MAP3K2: variants seen among roughly 807,000 people sequenced by gnomAD.
MAP3K2 encodes MAP/ERK kinase kinase 2.
In MAP3K2, 24 loss-of-function variants were observed where a neutral mutation model predicts 80.3. The ratio of observed to expected loss-of-function variants is 0.30; its 90% CI spans 0.22 to 0.42. The LOEUF (loss-of-function observed/expected upper bound fraction) is 0.42, where lower values mean the gene tolerates loss of function less well. Among genes scored for constraint, MAP3K2 ranks in the 10% least tolerant of loss-of-function variants. The pLI, the probability that MAP3K2 is intolerant of heterozygous loss-of-function variation, is 1.00. For synonymous variants in MAP3K2, 244 were observed against 253.7 expected, an observed-to-expected ratio of 0.96 and a Z score of 0.36; for missense variants, 608 against 750.1, an observed-to-expected ratio of 0.81 and a Z score of 2.21.
In MAP3K2 at chr2:127,341,599, C is replaced by G. The variant is rs2104847371; in HGVS notation, c.4+1527G>C. ...CCAGGCTGGAGTGCAGTGGCGTGAT[C>G]TCGGCTCACTACAAGATCCGCCTCC... is the stretch of plus-strand genomic sequence containing the variant. On this transcript the variant is annotated intron_variant, in intron 2 of 16. Coordinates refer to ENST00000682094, the MANE Select transcript of MAP3K2 (RefSeq NM_001371910.2). Among the ~76,000 whole-genome samples the G allele has an allele frequency of 2.3e-5, 3 of 130,596 alleles. No individual in the cohort carries two copies. In the Middle Eastern group the frequency reaches 0.019, roughly 816 times the overall value. 85.7% of individuals were successfully genotyped at this position (130,596 alleles called of 152,430 possible). A position where few individuals can be genotyped will look rare whatever the true frequency, so the allele number is the denominator to read the frequency against.
chr2:127,330,293 A>AGT (rs1484595835), intron 6 of MAP3K2, 99 bp downstream of exon 6: 4 of 621,964 alleles, frequency 6.4e-6, no homozygotes, highest in Non-Finnish European at 1.1e-5. Context: ...TCATAATGAA[A>AGT]ATATTGCAAT....
At chr2:127,340,097 T>C (rs531672479) in intron 2 of MAP3K2, among the ~76,000 whole-genome samples, 117 of 152,354 alleles carry the variant, frequency 7.7e-4, no homozygotes, top group Non-Finnish European at 1.2e-3. Context: ...TATTTTGTAG[T>C]GAAATTATTT....
At chr2:127,344,620 T>C (rs1430702792) in intron 1 of MAP3K2, among the ~76,000 whole-genome samples, 1 of 152,106 alleles carries the variant, frequency 6.6e-6, no homozygotes, top group African/African-American at 2.4e-5. Context: ...CAGTGAACTA[T>C]GATTGTACTC....
Position 127,330,385 on chromosome 2 carries a change from A to C in MAP3K2, c.378+7T>G. ...ATTCTTACTGAAAAAAATATCCCAA[A>C]TCATACCTGTGTACTTCCATTTATT... On this transcript the variant is annotated splice_region_variant and intron_variant, in intron 6 of 16. Transcript: ENST00000682094. 6.9e-7 allele frequency: 1 copy of C among 1,453,368 alleles called. No homozygotes were observed. Among genetic ancestry groups the C allele is most frequent in the South Asian group, 1.2e-5 (1 of 81,964 alleles). The allele number at this position is 1,453,368 out of a possible 1,614,324, so 90.0% of individuals were successfully genotyped here.
At chr2:127,314,618 A>C in intron 15 of MAP3K2, 136 bp downstream of exon 15, 1 of 702,466 alleles carries the variant, frequency 1.4e-6, no homozygotes, top group Non-Finnish European at 2.3e-6. Context: ...AGAGTCCATA[A>C]GAAAGCAAGA....
At position 127,334,535 on chromosome 2, in the gene MAP3K2, A is replaced by C. The variant is rs183878198; in HGVS notation, c.264+1335T>G. Reference sequence around the variant, plus strand: ...ACCCTCAAATTCCTGGGCTCAAGCTATCCTCCCACCTTAAATCCCCCTGCC... The same window carrying C: ...ACCCTCAAATTCCTGGGCTCAAGCTCTCCTCCCACCTTAAATCCCCCTGCC... On this transcript the variant is annotated intron_variant, in intron 5 of 16. Coordinates refer to ENST00000682094, the MANE Select transcript of MAP3K2 (RefSeq NM_001371910.2). 9.8e-4 allele frequency among the ~76,000 whole-genome samples: 149 copies of C among 152,132 alleles called. 1 individual carries two copies. Among genetic ancestry groups the C allele is most frequent in the East Asian group, 1.4e-3 (7 of 5,166 alleles).
At chr2:127,328,927 T>C (rs1392173955) in intron 7 of MAP3K2, among the ~76,000 whole-genome samples, 3 of 152,220 alleles carry the variant, frequency 2.0e-5, no homozygotes, top group African/African-American at 7.2e-5. Context: ...CCATCTTTAA[T>C]GGCCATACTC....
intron 1 of MAP3K2, among the ~76,000 whole-genome samples, chr2:127,377,967 T>G (rs773434765): frequency 6.6e-6 from 1 of 152,050 alleles, no homozygotes; most frequent in Non-Finnish European, 1.5e-5. Flanking sequence ...CTGGACAACA[T>G]AGAGAGACCT....
At position 127,323,939 on chromosome 2, in the gene MAP3K2, C is replaced by T. The variant is rs765971136; in HGVS notation, c.801G>A (p.Arg267=). Residue 267 remains arginine, a synonymous_variant, in exon 11 of 17, where the codon AGG becomes AGA. Coordinates refer to ENST00000682094, the MANE Select transcript of MAP3K2 (RefSeq NM_001371910.2). ...CTTGATGATGATATGAAACATGATA[C>T]CTTCTTGGATATGTTCCTCCTTTTC... ...KFGKGGTYPR[R]YHVSYHHQEY... is the part of the protein sequence containing the mutation. The T allele has an allele frequency of 2.6e-6, 4 of 1,567,100 alleles. No individual in the cohort carries two copies. The South Asian group carries it at 4.7e-5, about 18-fold the overall frequency.
At chr2:127,316,884 G>A (rs761429335) in intron 14 of MAP3K2, 3 of 152,046 alleles carry the variant, frequency 2.0e-5, no homozygotes, top group South Asian at 2.1e-4. Flanking sequence ...TGCTCATTTC[G>A]GCAGCACATA....
intron 15 of MAP3K2, among the ~76,000 whole-genome samples, chr2:127,312,274 A>T (rs188545248): frequency 6.6e-6 from 1 of 152,228 alleles, no homozygotes; most frequent in Non-Finnish European, 1.5e-5. Flanking sequence ...ACGGAACAAA[A>T]ACAAAGGCAG....
At chr2:127,342,386 A>AGGGG (rs200323450) in intron 2 of MAP3K2, among the ~76,000 whole-genome samples, 1 of 64,346 alleles carries the variant, frequency 1.6e-5, no homozygotes, top group African/African-American at 5.4e-5. Flanking sequence ...GTTCTTCATG[A>AGGGG]GGGTGTGTGT....
In MAP3K2 at chr2:127,339,403, G is replaced by GA. The variant is rs906369513; in HGVS notation, c.5-354dup. ...TATCTAAAATGTTTTAAAAAGTAGGGAAAAAAAAATAAACAACTTTGTATA... is the reference window on the plus strand; with the variant it reads ...TATCTAAAATGTTTTAAAAAGTAGGGAAAAAAAAAATAAACAACTTTGTATA... On this transcript the variant is annotated intron_variant, in intron 2 of 16. Transcript: ENST00000682094. This position sits in a 1 kb window ranked among gnomAD's most constrained non-coding sequence, Gnocchi z 4.2. 2.0e-4 allele frequency among the ~76,000 whole-genome samples: 30 copies of GA among 149,474 alleles called. No individual in the cohort carries two copies. The highest frequency in any genetic ancestry group is 1.3e-3 in the Admixed American group (20 of 15,028).
At position 127,346,952 on chromosome 2, in the gene MAP3K2, C is replaced by T. The variant is rs149878101; in HGVS notation, c.-65-3758G>A. On this transcript the variant is annotated intron_variant, in intron 1 of 16. Coordinates refer to ENST00000682094, the MANE Select transcript of MAP3K2 (RefSeq NM_001371910.2). ...GGCAGTGAGCAGAGATCATGCTGCA[C>T]TGTACTCTAGCCCGCGCGACAGAGC... Among the ~76,000 whole-genome samples the T allele has an allele frequency of 1.2e-3, 183 of 152,076 alleles. 2 individuals are homozygous for T. The South Asian group carries it at 0.018, about 15-fold the overall frequency.
At chr2:127,309,155 A>C (rs1685762228) in intron 15 of MAP3K2, among the ~76,000 whole-genome samples, 1 of 152,224 alleles carries the variant, frequency 6.6e-6, no homozygotes, top group Non-Finnish European at 1.5e-5. Context: ...TTCCCTGAGA[A>C]GTCAGCCTTT....
Position 127,387,583 on chromosome 2 carries a change from C to G in MAP3K2, c.-197G>C. 2 of 984,952 alleles carry G rather than the reference C, an allele frequency of 2.0e-6. No homozygotes were observed. Among genetic ancestry groups the G allele is most frequent in the Non-Finnish European group, 2.4e-6 (2 of 829,724 alleles). 61.0% of individuals were successfully genotyped at this position (984,952 alleles called of 1,614,324 possible). A position where few individuals can be genotyped will look rare whatever the true frequency, so the allele number is the denominator to read the frequency against. ...GGGCTGCCGCAGGGCCCCCGGGGAC[C>G]GGAGGGGCGCGCGAGGAGTCGGGCG... is the stretch of plus-strand genomic sequence containing the variant. On this transcript the variant is annotated 5_prime_UTR_variant, in exon 1 of 17. Transcript: ENST00000682094.
intron 4 of MAP3K2, among the ~76,000 whole-genome samples, chr2:127,336,543 C>T (rs1415586453): frequency 2.0e-5 from 3 of 152,136 alleles, no homozygotes; most frequent in African/African-American, 7.2e-5. Context: ...ACCACCAATA[C>T]CACACTATAA....
At chr2:127,326,637 C>CCTG in intron 8 of MAP3K2, 50 bp downstream of exon 8, 1 of 1,413,508 alleles carries the variant, frequency 7.1e-7, no homozygotes, top group Non-Finnish European at 9.4e-7. Flanking sequence ...TCACACTGAC[C>CCTG]CTGACAACAT....
rs1032469631 is a variant in MAP3K2, at chr2:127,299,044, A to G, written c.*8535T>C. 1 of 152,202 alleles carries G rather than the reference A, an allele frequency of 6.6e-6. No individual in the cohort carries two copies. The highest frequency in any genetic ancestry group is 2.4e-5 in the African/African-American group (1 of 41,460). 9.4% of individuals were successfully genotyped at this position (152,202 alleles called of 1,614,324 possible). On this transcript the variant is annotated 3_prime_UTR_variant, in exon 17 of 17. Transcript: ENST00000682094. Reference sequence around the variant, plus strand: ...TACATTTTTACAAGCACAATTTTGAATGACAAACAAAATCAAAATGTGCAT... The same window carrying G: ...TACATTTTTACAAGCACAATTTTGAGTGACAAACAAAATCAAAATGTGCAT...
Sources: gnomAD v4.1 joint callset for allele counts (sites outside exome capture counted in the v4.1 genomes callset) on GRCh38, gnomAD v4.1.1 for gene constraint, Gnocchi (gnomAD v3.1) non-coding constraint, MANE v1.5 for transcripts, NCBI Gene and HGNC (gene_info 2026-07-23, HGNC 2026-07-21) for gene names.